Variants in OGDH observed in about 807,000 individuals in gnomAD.
OGDH encodes 2-oxoglutarate dehydrogenase complex component E1.
Under a neutral mutation model 116.6 loss-of-function variants are expected in OGDH, and 38 were observed. The ratio of observed to expected loss-of-function variants is 0.33; its 90% CI spans 0.25 to 0.43. The LOEUF is 0.43. Ranked by LOEUF, OGDH falls within the 20% of genes least tolerant of loss-of-function variation. OGDH has a pLI of 1.00. For missense variants in OGDH, 825 were observed against 1,357.2 expected (o/e 0.61, Z 6.16); for synonymous variants, 488 against 533.3 (o/e 0.92, Z 1.17).
intron 10 of OGDH, among the ~76,000 whole-genome samples, chr7:44,692,200 T>C (rs1021978698): frequency 6.6e-6 from 1 of 152,048 alleles, no homozygotes; most frequent in Admixed American, 6.6e-5. Context: ...GGGAGAAAAT[T>C]TGTATAAGGA....
In OGDH at chr7:44,696,824, G is replaced by T. The variant is rs1788601020; in HGVS notation, c.1901-90G>T. 1.9e-5 allele frequency: 28 copies of T among 1,439,862 alleles called. No individual in the cohort carries two copies. In the South Asian group the frequency reaches 3.9e-4, roughly 20 times the overall value. The allele number at this position is 1,439,862 out of a possible 1,614,324, so 89.2% of individuals were successfully genotyped here. A position where few individuals can be genotyped will look rare whatever the true frequency, so the allele number is the denominator to read the frequency against. Reference sequence around the variant, plus strand: ...GAACCCAGAAACTACGAGTAAAGAAGGCTCCGCTCTTGCCATGGGCACGCT... The same window carrying T: ...GAACCCAGAAACTACGAGTAAAGAATGCTCCGCTCTTGCCATGGGCACGCT... On this transcript the variant is annotated intron_variant, in intron 14 of 22. Transcript: ENST00000222673.
chr7:44,642,749 C>T (rs1786001819), intron 2 of OGDH, among the ~76,000 whole-genome samples: 1 of 152,040 alleles, frequency 6.6e-6, no homozygotes, highest in African/African-American at 2.4e-5. Flanking sequence ...CAGTGAAACC[C>T]TGTCTCTACT....
At position 44,696,445 on chromosome 7, in the gene OGDH, C is replaced by T. The variant is rs756317172; in HGVS notation, c.1788C>T (p.Asp596=). 8.7e-6 allele frequency: 14 copies of T among 1,613,646 alleles called. No homozygotes were observed. Among genetic ancestry groups the T allele is most frequent in the Admixed American group, 6.7e-5 (4 of 59,884 alleles). ...TTCTCCTAGGCTTCTTCACCCTGGA[C>T]GGGCAGCCCAGGAGCATGTCCTGCC... ...DSPWPGFFTL[D]GQPRSMSCPS... Residue 596 remains aspartate, a synonymous_variant, in exon 14 of 23, where the codon GAC becomes GAT. Transcript: ENST00000222673.
chr7:44,650,794 T>C (rs1314690458), intron 4 of OGDH, among the ~76,000 whole-genome samples: 1 of 152,176 alleles, frequency 6.6e-6, no homozygotes, highest in Non-Finnish European at 1.5e-5. Flanking sequence ...TAGAAGGGGA[T>C]AGGCTGAATG....
chr7:44,608,965 T>TA (rs1445841164), intron 1 of OGDH, among the ~76,000 whole-genome samples: 2 of 152,158 alleles, frequency 1.3e-5, no homozygotes, highest in East Asian at 3.9e-4. Flanking sequence ...TTGACATTAA[T>TA]AAAATTCAAG....
Position 44,652,114 on chromosome 7 carries a change from T to G in OGDH, c.517+4355T>G, listed in dbSNP as rs1041209633. 4.3e-4 allele frequency among the ~76,000 whole-genome samples: 50 copies of G among 116,410 alleles called. 1 individual carries two copies. Among genetic ancestry groups the G allele is most frequent in the Admixed American group, 4.1e-3 (50 of 12,122 alleles). The allele number at this position is 116,410 out of a possible 152,430, so 76.4% of individuals were successfully genotyped here. A position where few individuals can be genotyped will look rare whatever the true frequency, so the allele number is the denominator to read the frequency against. On this transcript the variant is annotated intron_variant, in intron 4 of 22. Coordinates refer to ENST00000222673, the MANE Select transcript of OGDH (RefSeq NM_002541.4). ...AGGTGATGGCTGGAACAGAGATAAG[T>G]TTTTTTTTTTTGAGATGGAGTTTCG...
intron 10 of OGDH, among the ~76,000 whole-genome samples, chr7:44,685,404 G>T (rs1788086952): frequency 6.6e-6 from 1 of 152,306 alleles, no homozygotes; most frequent in Admixed American, 6.5e-5. Context: ...TCACTTAGCA[G>T]AATGTCCTCA....
intron 9 of OGDH, among the ~76,000 whole-genome samples, chr7:44,678,153 C>T (rs1332376385): frequency 6.6e-6 from 1 of 152,020 alleles, no homozygotes; most frequent in Non-Finnish European, 1.5e-5. Context: ...GCAAAGAGGC[C>T]TTAGCTCTGG....
intron 4 of OGDH, among the ~76,000 whole-genome samples, chr7:44,656,610 T>C (rs1786701903): frequency 6.6e-6 from 1 of 152,242 alleles, no homozygotes; most frequent in African/African-American, 2.4e-5. Context: ...CATCTTCACG[T>C]GTGCTTCATC....
At chr7:44,619,241 G>A (rs758278868) in intron 1 of OGDH, among the ~76,000 whole-genome samples, 7 of 152,172 alleles carry the variant, frequency 4.6e-5, no homozygotes, top group Non-Finnish European at 1.0e-4. Context: ...ACCAAAGGAG[G>A]GGGTCATGGG....
At chr7:44,646,935 G>A (rs541824593) in intron 3 of OGDH, among the ~76,000 whole-genome samples, 2 of 152,232 alleles carry the variant, frequency 1.3e-5, no homozygotes, top group African/African-American at 4.8e-5. Context: ...TTCCTACTTA[G>A]AAAAATTTTT....
At chr7:44,658,142 C>G (rs1213083458) in intron 4 of OGDH, among the ~76,000 whole-genome samples, 2 of 152,174 alleles carry the variant, frequency 1.3e-5, no homozygotes, top group Non-Finnish European at 2.9e-5. Flanking sequence ...TCTACATATA[C>G]CTTACTGCCA....
chr7:44,610,071 C>T (rs1324978334), intron 1 of OGDH, among the ~76,000 whole-genome samples: 1 of 152,016 alleles, frequency 6.6e-6, no homozygotes, highest in Non-Finnish European at 1.5e-5. Context: ...CTGTCTTAGC[C>T]TCCCAAAGGC....
At chr7:44,690,963 A>G (rs1788339586) in intron 10 of OGDH, among the ~76,000 whole-genome samples, 1 of 151,868 alleles carries the variant, frequency 6.6e-6, no homozygotes, top group African/African-American at 2.4e-5. Flanking sequence ...GTGTCTGACT[A>G]TTTCTGATCA....
intron 1 of OGDH, among the ~76,000 whole-genome samples, chr7:44,616,872 C>CGT (rs1562611333): frequency 1.3e-4 from 10 of 76,792 alleles, no homozygotes; most frequent in African/African-American, 4.5e-4. Context: ...TATATATATA[C>CGT]GTATATATAT....
chr7:44,636,373 C>T (rs929905935), intron 2 of OGDH, among the ~76,000 whole-genome samples: 1 of 152,202 alleles, frequency 6.6e-6, no homozygotes, highest in African/African-American at 2.4e-5. Flanking sequence ...CAACTGCTGA[C>T]TCAGGAAGGG....
intron 2 of OGDH, among the ~76,000 whole-genome samples, chr7:44,639,310 GA>G (rs1389212900): frequency 2.0e-5 from 3 of 152,142 alleles, no homozygotes; most frequent in African/African-American, 7.2e-5. Context: ...GAGGTGGAAA[GA>G]GAGTGGGGGA....
chr7:44,700,327 G>A, intron 19 of OGDH, 58 bp downstream of exon 19: 3 of 1,599,346 alleles, frequency 1.9e-6, no homozygotes, highest in Admixed American at 1.7e-5. Flanking sequence ...GTTGGTGCAG[G>A]GAAGGGCTCC....
At chr7:44,648,173 G>T (rs949481818) in intron 4 of OGDH, among the ~76,000 whole-genome samples, 3 of 152,230 alleles carry the variant, frequency 2.0e-5, no homozygotes, top group Non-Finnish European at 4.4e-5. Context: ...CTGAAGCCCA[G>T]TGTGGCCTGC....
Sources: allele counts gnomAD v4.1 joint callset (sites outside exome capture counted in the v4.1 genomes callset), GRCh38; gene constraint gnomAD v4.1.1; transcripts MANE v1.5; gene names NCBI Gene and HGNC (gene_info 2026-07-23, HGNC 2026-07-21).